OTUD7A: variants seen among roughly 807,000 people sequenced by gnomAD.
OTUD7A encodes the protein OTU domain-containing protein 7A.
OTUD7A carries 12 observed loss-of-function variants against 65.7 expected under a neutral mutation model. That is an observed-to-expected ratio of 0.18 (90% CI 0.12 to 0.30). The LOEUF (loss-of-function observed/expected upper bound fraction) is 0.30. OTUD7A is among the 10% of genes least tolerant of loss of function. The probability of loss-of-function intolerance (pLI) is 1.00; values close to 1 mark genes in which losing one functional copy is unlikely to be tolerated. For synonymous variants in OTUD7A, 641 were observed against 586.3 expected, an observed-to-expected ratio of 1.09 and a Z score of -1.35; for missense variants, 1,148 against 1,304.8, an observed-to-expected ratio of 0.88 and a Z score of 1.85.
At chr15:31,767,898 T>C in intron 1 of OTUD7A, 1 of 1,486,288 alleles carries the variant, frequency 6.7e-7, no homozygotes, top group Non-Finnish European at 9.4e-7. Context: ...GCAGGAAATC[T>C]GAAGAGCTGG....
intron 5 of OTUD7A, among the ~76,000 whole-genome samples, chr15:31,534,026 T>C (rs1887716382): frequency 6.6e-6 from 1 of 152,216 alleles, no homozygotes; most frequent in Non-Finnish European, 1.5e-5. Flanking sequence ...CCAAAAAGGT[T>C]ATACCAAGAG....
chr15:31,501,966 G>T, intron 9 of OTUD7A, 127 bp from the exon 10 acceptor site: 1 of 1,055,188 alleles, frequency 9.5e-7, no homozygotes, highest in Non-Finnish European at 1.3e-6. Context: ...CAGGAGGGGT[G>T]GATGGAGGCG....
In OTUD7A at chr15:31,796,293, G is replaced by A. The variant is rs547823329; in HGVS notation, c.-100+74214C>T. ...TTAAGGAATTGGCTCACATGATTGC[G>A]GGGATTAGCACATCCAAAATCTGCA... is the stretch of plus-strand genomic sequence containing the variant. On this transcript the variant is annotated intron_variant, in intron 1 of 12. Transcript: ENST00000307050. Among the ~76,000 whole-genome samples, 9 of 152,066 alleles carry A rather than the reference G, an allele frequency of 5.9e-5. No individual in the cohort carries two copies. The South Asian group carries it at 6.2e-4, about 11-fold the overall frequency.
At chr15:31,685,325 G>C (rs530990633) in intron 1 of OTUD7A, among the ~76,000 whole-genome samples, 1 of 151,996 alleles carries the variant, frequency 6.6e-6, no homozygotes, top group Non-Finnish European at 1.5e-5. Context: ...TCTTATTTCC[G>C]CATTTGTTTC....
chr15:31,805,289 C>G (rs1252160579), intron 1 of OTUD7A, among the ~76,000 whole-genome samples: 2 of 152,228 alleles, frequency 1.3e-5, no homozygotes, highest in African/African-American at 4.8e-5. Flanking sequence ...AACCTGGTAA[C>G]CTAGAGAGCT....
chr15:31,662,378 A>G (rs1892190100), intron 1 of OTUD7A, among the ~76,000 whole-genome samples: 1 of 152,166 alleles, frequency 6.6e-6, no homozygotes, highest in African/African-American at 2.4e-5. Flanking sequence ...CCACGGGATC[A>G]ATTTGTTACT....
intron 1 of OTUD7A, among the ~76,000 whole-genome samples, chr15:31,659,967 T>A (rs994278643): frequency 6.6e-6 from 1 of 152,278 alleles, no homozygotes; most frequent in Non-Finnish European, 1.5e-5. Context: ...GGTTGTCACA[T>A]CTGAGCAATG....
At chr15:31,559,635 T>C (rs1006885794) in intron 4 of OTUD7A, among the ~76,000 whole-genome samples, 4 of 152,256 alleles carry the variant, frequency 2.6e-5, no homozygotes, top group Non-Finnish European at 5.9e-5. Flanking sequence ...CATACATGCA[T>C]GCAGACACAC....
At chr15:31,699,160 A>G (rs1306013545) in intron 1 of OTUD7A, among the ~76,000 whole-genome samples, 1 of 150,404 alleles carries the variant, frequency 6.6e-6, no homozygotes, top group Non-Finnish European at 1.5e-5. Flanking sequence ...GCTCACTGCA[A>G]GCTCCACCTC....
At chr15:31,799,633 G>A (rs1246719529) in intron 1 of OTUD7A, among the ~76,000 whole-genome samples, 2 of 152,146 alleles carry the variant, frequency 1.3e-5, no homozygotes, top group Non-Finnish European at 2.9e-5. Context: ...CATCAGACAT[G>A]GAATCTACCA....
rs569962708 is a variant in OTUD7A, at chr15:31,618,358, T to A, written c.151+36738A>T. Reference sequence around the variant, plus strand: ...AAATACCTGAGGAATCGCCACACTGTCTTCCACAATGGTTGAACTAGTTTA... The same window carrying A: ...AAATACCTGAGGAATCGCCACACTGACTTCCACAATGGTTGAACTAGTTTA... On this transcript the variant is annotated intron_variant, in intron 3 of 12. Transcript: ENST00000307050. Among the ~76,000 whole-genome samples, 6 of 152,372 alleles carry A rather than the reference T, an allele frequency of 3.9e-5. No homozygotes were observed. The South Asian group carries it at 6.2e-4, about 16-fold the overall frequency.
chr15:31,828,443 C>T (rs1896852500), intron 1 of OTUD7A, among the ~76,000 whole-genome samples: 1 of 152,026 alleles, frequency 6.6e-6, no homozygotes, highest in Non-Finnish European at 1.5e-5. Context: ...AAACATTTAC[C>T]ATTTCTTTGT....
In OTUD7A at chr15:31,614,650, CT is replaced by C. The variant is rs561295824; in HGVS notation, c.151+40445del. Among the ~76,000 whole-genome samples the C allele has an allele frequency of 7.9e-4, 120 of 152,170 alleles. No individual in the cohort carries two copies. The South Asian group carries it at 0.012, about 16-fold the overall frequency. The stretch of plus-strand genomic sequence containing the variant: ...GCAAAATAAAAAAAAATTTCAGACA[CT>C]TATCACCAGGGGACCACACTATAGA... On this transcript the variant is annotated intron_variant, in intron 3 of 12. Coordinates refer to ENST00000307050, the MANE Select transcript of OTUD7A (RefSeq NM_001382637.1).
intron 3 of OTUD7A, among the ~76,000 whole-genome samples, chr15:31,578,085 G>T (rs185608113): frequency 6.6e-6 from 1 of 152,034 alleles, no homozygotes; most frequent in African/African-American, 2.4e-5. Flanking sequence ...ATCTAAATAG[G>T]CTCCCTCCTT....
chr15:31,774,900 G>T (rs551657008), intron 1 of OTUD7A, among the ~76,000 whole-genome samples: 49 of 150,782 alleles, frequency 3.2e-4, no homozygotes, highest in African/African-American at 1.0e-3. Context: ...TGGCCTTCTC[G>T]TGGGGGTCAG....
chr15:31,687,522 C>T (rs563099065), intron 1 of OTUD7A, among the ~76,000 whole-genome samples: 1 of 152,322 alleles, frequency 6.6e-6, no homozygotes, highest in Admixed American at 6.5e-5. Flanking sequence ...CTACCATATG[C>T]CTCCTGCGAT....
chr15:31,818,671 G>A (rs544473068), intron 1 of OTUD7A, among the ~76,000 whole-genome samples: 1 of 152,304 alleles, frequency 6.6e-6, no homozygotes, highest in South Asian at 2.1e-4. Context: ...CCTGCAGTGT[G>A]ACAGCCCCTG....
intron 5 of OTUD7A, among the ~76,000 whole-genome samples, chr15:31,543,826 G>A (rs1277701413): frequency 1.3e-5 from 2 of 151,700 alleles, no homozygotes; most frequent in East Asian, 1.9e-4. Flanking sequence ...CATCTCTATC[G>A]GTAATTGAGA....
Position 31,479,670 on chromosome 15 carries a change from G to GGA in OTUD7A, c.*3623_*3624insTC, listed in dbSNP as rs1555388191. 7.2e-6 allele frequency: 1 copy of GGA among 138,152 alleles called. No homozygotes were observed. Among genetic ancestry groups the GGA allele is most frequent in the Non-Finnish European group, 1.6e-5 (1 of 64,380 alleles). The allele number at this position is 138,152 out of a possible 1,614,324, so 8.6% of individuals were successfully genotyped here. ...GTTTGTGGACACTAAGTGGGGGGGG[G>GGA]GGGTGATGGGCCCATGACCCCTCCC... is the stretch of plus-strand genomic sequence containing the variant. On this transcript the variant is annotated 3_prime_UTR_variant, in exon 13 of 13. Transcript: ENST00000307050.
Sources: allele counts gnomAD v4.1 joint callset (sites outside exome capture counted in the v4.1 genomes callset), GRCh38; gene constraint gnomAD v4.1.1; transcripts MANE v1.5; gene names NCBI Gene and HGNC (gene_info 2026-07-23, HGNC 2026-07-21).